Variants in TECTB observed in about 807,000 individuals in gnomAD.
TECTB encodes the protein tectorin beta.
In TECTB, 45 loss-of-function variants were observed where a neutral mutation model predicts 43.3. That is an observed-to-expected ratio of 1.04 (90% CI 0.82 to 1.33). The LOEUF (loss-of-function observed/expected upper bound fraction) is 1.33, where lower values mean the gene tolerates loss of function less well. Among genes scored for constraint, TECTB ranks in the 40% most tolerant of loss-of-function variants. The pLI is 0.00. For missense variants in TECTB, 399 were observed against 404.7 expected, an observed-to-expected ratio of 0.99 and a Z score of 0.12; for synonymous variants, 169 against 156.7, an observed-to-expected ratio of 1.08 and a Z score of -0.59.
intron 7 of TECTB, 143 bp downstream of exon 7, chr10:112,294,204 A>C: frequency 2.9e-6 from 2 of 700,446 alleles, no homozygotes; most frequent in Non-Finnish European, 4.9e-6. Flanking sequence ...TTCCAGGCAA[A>C]GAACAAATAC....
At position 112,304,146 on chromosome 10, in the gene TECTB, A is replaced by G. The variant is rs1848633682; in HGVS notation, c.*834A>G. ...CTGCTGGAAACATGACTATAAAGTG[A>G]CTCCAATGACACAAGTGCTGTGAGT... On this transcript the variant is annotated 3_prime_UTR_variant, in exon 11 of 11. Coordinates refer to ENST00000646139, the MANE Select transcript of TECTB (RefSeq NM_058222.3). 1 of 152,168 alleles carries G rather than the reference A, an allele frequency of 6.6e-6. No individual in the cohort carries two copies. The highest frequency in any genetic ancestry group is 2.4e-5 in the African/African-American group (1 of 41,436). The allele number at this position is 152,168 out of a possible 1,614,324, so 9.4% of individuals were successfully genotyped here.
chr10:112,286,238 G>C, intron 4 of TECTB, 25 bp downstream of exon 4: 1 of 1,614,144 alleles, frequency 6.2e-7, no homozygotes, highest in Non-Finnish European at 8.5e-7. Context: ...GGCATGGAGG[G>C]CTGGCTGCCT....
At position 112,283,489 on chromosome 10, in the gene TECTB, T is replaced by G. The variant is rs1482717235; in HGVS notation, c.-95T>G. On this transcript the variant is annotated 5_prime_UTR_variant, in exon 1 of 11. Coordinates refer to ENST00000646139, the MANE Select transcript of TECTB (RefSeq NM_058222.3). ...GAACAACTCCATGTGTCATTGACGCTTCCAACGGTATGAGCCCCACTTTTT... is the reference window on the plus strand; with the variant it reads ...GAACAACTCCATGTGTCATTGACGCGTCCAACGGTATGAGCCCCACTTTTT... 1.9e-6 allele frequency: 1 copy of G among 514,572 alleles called. No individual in the cohort carries two copies. Among genetic ancestry groups the G allele is most frequent in the African/African-American group, 2.0e-5 (1 of 51,238 alleles). 31.9% of individuals were successfully genotyped at this position (514,572 alleles called of 1,614,324 possible). A position where few individuals can be genotyped will look rare whatever the true frequency, so the allele number is the denominator to read the frequency against.
chr10:112,290,880 C>G (rs1394686480), intron 5 of TECTB, among the ~76,000 whole-genome samples: 2 of 152,122 alleles, frequency 1.3e-5, no homozygotes, highest in African/African-American at 4.8e-5. Flanking sequence ...GCTGGACTTG[C>G]CATCAGTAAA....
intron 7 of TECTB, among the ~76,000 whole-genome samples, chr10:112,296,270 C>T (rs1848546268): frequency 6.6e-6 from 1 of 152,132 alleles, no homozygotes; most frequent in Non-Finnish European, 1.5e-5. Flanking sequence ...ATACTTATCT[C>T]AAAGAGCAAT....
At chr10:112,291,446 G>T (rs926000034) in intron 5 of TECTB, among the ~76,000 whole-genome samples, 4 of 152,192 alleles carry the variant, frequency 2.6e-5, no homozygotes, top group Non-Finnish European at 5.9e-5. Context: ...GCATGCATAT[G>T]TTCATTGCAA....
At chr10:112,290,914 CA>C (rs1378419669) in intron 5 of TECTB, among the ~76,000 whole-genome samples, 1 of 152,184 alleles carries the variant, frequency 6.6e-6, no homozygotes, top group African/African-American at 2.4e-5. Flanking sequence ...TACTAGGAAA[CA>C]AAAGAGATTC....
At chr10:112,302,296 C>T in intron 10 of TECTB, 163 bp downstream of exon 10, 1 of 729,830 alleles carries the variant, frequency 1.4e-6, no homozygotes, top group Admixed American at 2.9e-5. Context: ...ATCAAGAGGT[C>T]TCCCTCTGAC....
At chr10:112,302,187 G>T in intron 10 of TECTB, 54 bp downstream of exon 10, 1 of 1,594,926 alleles carries the variant, frequency 6.3e-7, no homozygotes, top group Non-Finnish European at 8.6e-7. Context: ...TTAAAAGGCA[G>T]AGAGTGTTTT....
At position 112,299,578 on chromosome 10, in the gene TECTB, TTTTC is replaced by T. The variant is rs1848579335; in HGVS notation, c.907+15_907+18del. 4.1e-5 allele frequency: 11 copies of T among 269,708 alleles called. No homozygotes were observed. The highest frequency in any genetic ancestry group is 5.0e-5 in the Non-Finnish European group (10 of 198,842). The allele number at this position is 269,708 out of a possible 1,614,324, so 16.7% of individuals were successfully genotyped here. A position where few individuals can be genotyped will look rare whatever the true frequency, so the allele number is the denominator to read the frequency against. ...TCTCCCTGCGGAGTAAGCGTCTCTG[TTTTC>T]CTCTGTTTTCCAAACGGTTGAGTTC... On this transcript the variant is annotated intron_variant, in intron 9 of 10. Coordinates refer to ENST00000646139, the MANE Select transcript of TECTB (RefSeq NM_058222.3).
At chr10:112,300,683 C>G (rs1848603742) in intron 9 of TECTB, among the ~76,000 whole-genome samples, 1 of 152,196 alleles carries the variant, frequency 6.6e-6, no homozygotes, top group Non-Finnish European at 1.5e-5. Context: ...AGGTCATGCT[C>G]ACAGGAAATG....
Position 112,303,428 on chromosome 10 carries a change from A to T in TECTB, c.*116A>T. On this transcript the variant is annotated 3_prime_UTR_variant, in exon 11 of 11. Coordinates refer to ENST00000646139, the MANE Select transcript of TECTB (RefSeq NM_058222.3). ...AAGACCACATTGTTGGGGGGCAGAG[A>T]ATAGCACTTTGCCAAATATGCACTC... 7.5e-7 allele frequency: 1 copy of T among 1,325,346 alleles called. No homozygotes were observed. Among genetic ancestry groups the T allele is most frequent in the Non-Finnish European group, 1.1e-6 (1 of 928,304 alleles). The allele number at this position is 1,325,346 out of a possible 1,614,324, so 82.1% of individuals were successfully genotyped here.
At chr10:112,298,284 G>T in intron 8 of TECTB, 53 bp downstream of exon 8, 1 of 1,567,572 alleles carries the variant, frequency 6.4e-7, no homozygotes, top group Non-Finnish European at 8.7e-7. Flanking sequence ...GCCAGTATTG[G>T]AGGAGCTGGA....
Position 112,286,127 on chromosome 10 carries a change from G to A in TECTB, c.324G>A (p.Val108=), listed in dbSNP as rs1848452043. The A allele has an allele frequency of 1.2e-6, 2 of 1,614,108 alleles. No homozygotes were observed. The highest frequency in any genetic ancestry group is 4.5e-5 in the East Asian group (2 of 44,878). The change falls in exon 4 of 11, where the codon GTG becomes GTA. Residue 108 remains valine (V), a synonymous_variant. Coordinates refer to ENST00000646139, the MANE Select transcript of TECTB (RefSeq NM_058222.3). ...YSHIVSNDTT[V]IVKNQPVNYS... ...ACATCGTTTCCAATGACACCACAGT[G>A]ATTGTAAAAAACCAGCCTGTCAACT...
At chr10:112,296,506 C>T (rs936465070) in intron 7 of TECTB, among the ~76,000 whole-genome samples, 3 of 152,200 alleles carry the variant, frequency 2.0e-5, no homozygotes, top group Non-Finnish European at 2.9e-5. Flanking sequence ...ACTCTGGCTG[C>T]AAAGAGCTAT....
At position 112,303,602 on chromosome 10, in the gene TECTB, T is replaced by G. The variant is rs1477734515; in HGVS notation, c.*290T>G. 7.0e-6 allele frequency: 3 copies of G among 427,408 alleles called. No individual in the cohort carries two copies. Among genetic ancestry groups the G allele is most frequent in the Non-Finnish European group, 1.3e-5 (3 of 236,932 alleles). The allele number at this position is 427,408 out of a possible 1,614,324, so 26.5% of individuals were successfully genotyped here. On this transcript the variant is annotated 3_prime_UTR_variant, in exon 11 of 11. Coordinates refer to ENST00000646139, the MANE Select transcript of TECTB (RefSeq NM_058222.3). ...AAGTCAGGGCTGCAGTAAATTCCTT[T>G]GAAAGCTATTTTAACTTTAAAAGGT...
chr10:112,302,929 AT>A (rs1848624893), intron 10 of TECTB: 1 of 311,664 alleles, frequency 3.2e-6, no homozygotes. Flanking sequence ...TCACAGACAG[AT>A]TTTGCTCTCA....
intron 5 of TECTB, among the ~76,000 whole-genome samples, chr10:112,289,279 A>G (rs1410788311): frequency 6.6e-6 from 1 of 152,192 alleles, no homozygotes; most frequent in Non-Finnish European, 1.5e-5. Context: ...GTTGGATTAT[A>G]TTGACTTTTA....
At chr10:112,292,931 C>G (rs1195132270) in intron 5 of TECTB, among the ~76,000 whole-genome samples, 1 of 151,792 alleles carries the variant, frequency 6.6e-6, no homozygotes, top group Non-Finnish European at 1.5e-5. Context: ...AGCTACATGG[C>G]CCCCCTCCTC....
Sources: gnomAD v4.1 joint callset for allele counts (sites outside exome capture counted in the v4.1 genomes callset) on GRCh38, gnomAD v4.1.1 for gene constraint, MANE v1.5 for transcripts, NCBI Gene and HGNC (gene_info 2026-07-23, HGNC 2026-07-21) for gene names.